JMJD1C: variants seen among roughly 807,000 people sequenced by gnomAD.
The protein encoded by JMJD1C is jumonji domain-containing protein 1C.
JMJD1C carries 31 observed loss-of-function variants against 245.3 expected under a neutral mutation model. The ratio of observed to expected loss-of-function variants is 0.13; its 90% confidence interval spans 0.09 to 0.17. JMJD1C has a LOEUF of 0.17. Ranked by LOEUF, JMJD1C falls within the 10% of genes least tolerant of loss-of-function variation. JMJD1C has a pLI of 1.00. For synonymous variants in JMJD1C, 1,057 were observed against 1,017.4 expected (o/e 1.04, Z -0.74); for missense variants, 2,691 against 3,000.2 (o/e 0.90, Z 2.41).
intron 1 of JMJD1C, among the ~76,000 whole-genome samples, chr10:63,411,359 C>T (rs941735358): frequency 6.7e-6 from 1 of 148,220 alleles, no homozygotes; most frequent in Non-Finnish European, 1.5e-5. Context: ...GAGTAGGTGG[C>T]CCAATCTTGG....
intron 2 of JMJD1C, among the ~76,000 whole-genome samples, chr10:63,309,896 G>A (rs977689406): frequency 4.6e-5 from 7 of 151,872 alleles, no homozygotes; most frequent in South Asian, 4.2e-4. Flanking sequence ...CAGCCTGGGC[G>A]ACAGAACAAG....
At chr10:63,322,800 C>T (rs1941043790) in intron 2 of JMJD1C, among the ~76,000 whole-genome samples, 1 of 49,122 alleles carries the variant, frequency 2.0e-5, no homozygotes. Flanking sequence ...GAGATTCCAT[C>T]TCAAAAAAAA....
chr10:63,347,000 T>G (rs1447929166), intron 2 of JMJD1C, among the ~76,000 whole-genome samples: 1 of 151,954 alleles, frequency 6.6e-6, no homozygotes, highest in Non-Finnish European at 1.5e-5. Context: ...AAAAGTAAAG[T>G]TGGCCCCTCA....
At chr10:63,307,670 G>A (rs560473866) in intron 2 of JMJD1C, among the ~76,000 whole-genome samples, 5 of 152,012 alleles carry the variant, frequency 3.3e-5, no homozygotes, top group Admixed American at 2.6e-4. Context: ...GGGCTAAAAA[G>A]CAAAGAGGAT....
chr10:63,312,218 C>T (rs1939319977), intron 2 of JMJD1C, among the ~76,000 whole-genome samples: 1 of 151,062 alleles, frequency 6.6e-6, no homozygotes, highest in Admixed American at 6.7e-5. Flanking sequence ...AGCGATTCTC[C>T]TACCTTAGCC....
chr10:63,319,496 C>T (rs1326663237), intron 2 of JMJD1C, among the ~76,000 whole-genome samples: 1 of 151,720 alleles, frequency 6.6e-6, no homozygotes, highest in African/African-American at 2.4e-5. Flanking sequence ...AAATTTCTCA[C>T]CTCTCTCTTT....
chr10:63,220,365 T>C (rs1030506583), intron 3 of JMJD1C, among the ~76,000 whole-genome samples: 2 of 152,182 alleles, frequency 1.3e-5, no homozygotes, highest in East Asian at 1.9e-4. Flanking sequence ...TGAATGACAA[T>C]AGATACATAC....
chr10:63,247,332 T>C (rs760398554), intron 3 of JMJD1C, among the ~76,000 whole-genome samples: 44 of 151,828 alleles, frequency 2.9e-4, no homozygotes, highest in Non-Finnish European at 5.4e-4. Context: ...GCTAACAAAT[T>C]GAAAAACCCA....
chr10:63,459,961 C>A (rs1181449489), intron 1 of JMJD1C, among the ~76,000 whole-genome samples: 1 of 152,104 alleles, frequency 6.6e-6, no homozygotes, highest in Non-Finnish European at 1.5e-5. Flanking sequence ...GTCAGCTTTG[C>A]CTTCAAATTG....
chr10:63,468,497 G>A (rs150082400), upstream of JMJD1C, among the ~76,000 whole-genome samples: 160 of 152,168 alleles, frequency 1.1e-3, no homozygotes, highest in Non-Finnish European at 1.6e-3. Flanking sequence ...CAGAATATTT[G>A]TTTCTTAACT....
Position 63,214,834 on chromosome 10 carries a change from C to G in JMJD1C, c.1333G>C (p.Glu445Gln), listed in dbSNP as rs775201710. The change falls in exon 8 of 26, where the codon GAA becomes CAA. Residue 445 changes from glutamate to glutamine, a missense_variant. Glu to Gln is a conservative substitution (Grantham distance 29, BLOSUM62 2). Transcript: ENST00000399262. ...TCAACAGACTTCCGCTTCTCTGCTT[C>G]TTCATGTTTTTTATCTTCCTGTATT... ...DQIQEDKKHE[E>Q]AEKRKSVDTQ... 2.5e-6 allele frequency: 4 copies of G among 1,613,800 alleles called. No homozygotes were observed. The highest frequency in any genetic ancestry group is 3.4e-6 in the Non-Finnish European group (4 of 1,179,966).
intron 1 of JMJD1C, among the ~76,000 whole-genome samples, chr10:63,459,993 T>C (rs529441260): frequency 6.6e-6 from 1 of 152,258 alleles, no homozygotes; most frequent in East Asian, 1.9e-4. Flanking sequence ...AGTAGAAAAA[T>C]GGCTGCAGCA....
At chr10:63,315,428 C>T (rs1939863235) in intron 2 of JMJD1C, among the ~76,000 whole-genome samples, 1 of 152,160 alleles carries the variant, frequency 6.6e-6, no homozygotes, top group South Asian at 2.1e-4. Context: ...TTGTAACATT[C>T]CTTCTGCCAT....
At chr10:63,292,685 T>C (rs1285679419) in intron 2 of JMJD1C, among the ~76,000 whole-genome samples, 3 of 152,126 alleles carry the variant, frequency 2.0e-5, no homozygotes, top group Non-Finnish European at 4.4e-5. Context: ...CAAATCCACT[T>C]CGTCCATAGT....
intron 4 of JMJD1C, among the ~76,000 whole-genome samples, chr10:63,219,310 C>G (rs1252050658): frequency 2.0e-5 from 3 of 152,092 alleles, no homozygotes; most frequent in Admixed American, 6.6e-5. Flanking sequence ...AACAACAGTT[C>G]ATGCCATATT....
intron 22 of JMJD1C, 22 bp downstream of exon 22, chr10:63,183,425 C>G: frequency 6.3e-7 from 1 of 1,591,972 alleles, no homozygotes. Flanking sequence ...ATTTCAAAGA[C>G]TACTTATTCT....
chr10:63,436,582 C>A (rs1257784203), intron 1 of JMJD1C, among the ~76,000 whole-genome samples: 2 of 152,176 alleles, frequency 1.3e-5, no homozygotes, highest in African/African-American at 2.4e-5. Context: ...TCATGCCATT[C>A]AATATTATTT....
intron 2 of JMJD1C, among the ~76,000 whole-genome samples, chr10:63,370,397 T>C (rs16918390): frequency 0.013 from 2,026 of 152,332 alleles, 30 homozygotes; most frequent in African/African-American, 0.034. Flanking sequence ...TTATATACTG[T>C]CTTGCTTGAT....
At chr10:63,505,923 C>T (rs568949790) in intron 1 of JMJD1C, among the ~76,000 whole-genome samples, 30 of 132,132 alleles carry the variant, frequency 2.3e-4, no homozygotes, top group African/African-American at 7.6e-4. Context: ...AGAAGGCAAA[C>T]GTGTACAATT....
Sources: gnomAD v4.1 joint callset for allele counts (sites outside exome capture counted in the v4.1 genomes callset) on GRCh38, gnomAD v4.1.1 for gene constraint, MANE v1.5 for transcripts, NCBI Gene and HGNC (gene_info 2026-07-23, HGNC 2026-07-21) for gene names.